The following CNNM2 variants were observed in gnomAD, a reference collection of about 807,000 sequenced individuals.
The protein encoded by CNNM2 is metal transporter CNNM2.
In CNNM2, 12 loss-of-function variants were observed where a neutral mutation model predicts 66.9. The observed-to-expected ratio is 0.18, with a 90% CI of 0.11 to 0.29. The LOEUF (loss-of-function observed/expected upper bound fraction) is 0.29, where lower values mean the gene tolerates loss of function less well. Among genes scored for constraint, CNNM2 ranks in the 10% least tolerant of loss-of-function variants. CNNM2 has a pLI of 1.00. For synonymous variants in CNNM2, 557 were observed against 501.8 expected, an observed-to-expected ratio of 1.11 and a Z score of -1.47; for missense variants, 705 against 1,167.7, an observed-to-expected ratio of 0.60 and a Z score of 5.77.
chr10:102,935,255 G>A (rs1846198094), intron 1 of CNNM2, among the ~76,000 whole-genome samples: 1 of 151,686 alleles, frequency 6.6e-6, no homozygotes, highest in African/African-American at 2.4e-5. Flanking sequence ...CTTGAGTCCA[G>A]GAATTCAAGA....
intron 1 of CNNM2, among the ~76,000 whole-genome samples, chr10:102,958,590 C>A (rs2134200939): frequency 6.6e-6 from 1 of 150,722 alleles, no homozygotes; most frequent in Non-Finnish European, 1.5e-5. Flanking sequence ...CCTGCCTCAG[C>A]CTCCTGAGTA....
intron 1 of CNNM2, among the ~76,000 whole-genome samples, chr10:103,033,328 A>G (rs2134305024): frequency 6.6e-6 from 1 of 152,006 alleles, no homozygotes; most frequent in East Asian, 1.9e-4. Flanking sequence ...AGTTGGGACT[A>G]CAGGCGCCCA....
At chr10:103,021,215 G>A (rs2064573028) in intron 1 of CNNM2, among the ~76,000 whole-genome samples, 1 of 152,146 alleles carries the variant, frequency 6.6e-6, no homozygotes, top group Non-Finnish European at 1.5e-5. Flanking sequence ...AGGGCAAGGA[G>A]GGACAGGCTA....
chr10:103,006,055 C>T (rs1266109028), intron 1 of CNNM2, among the ~76,000 whole-genome samples: 18 of 152,182 alleles, frequency 1.2e-4, no homozygotes, highest in Admixed American at 4.6e-4. Context: ...ATTTCCTTTC[C>T]GAGGTTATTT....
rs12355897 is a variant in CNNM2, at chr10:102,926,900, G to T, written c.1621+6799G>T. ...CCGGCTAATTTTTTTTGTATTTTTA[G>T]TAGAAACGAGGTCATGCCATGTTGT... On this transcript the variant is annotated intron_variant, in intron 1 of 7. Transcript: ENST00000369878. Among the ~76,000 whole-genome samples, 28,451 of 151,510 alleles carry T rather than the reference G, an allele frequency of 0.19. 2,854 individuals carry two copies. The highest frequency in any genetic ancestry group is 0.22 in the Non-Finnish European group (15,014 of 67,868).
At chr10:103,067,392 G>A (rs1449283602) in intron 4 of CNNM2, among the ~76,000 whole-genome samples, 1 of 152,122 alleles carries the variant, frequency 6.6e-6, no homozygotes, top group East Asian at 1.9e-4. Context: ...TGAAGAGCTT[G>A]TTCTTTACTA....
intron 1 of CNNM2, among the ~76,000 whole-genome samples, chr10:102,961,954 A>G (rs2063386677): frequency 6.7e-6 from 1 of 149,882 alleles, no homozygotes; most frequent in Non-Finnish European, 1.5e-5. Flanking sequence ...CGATACTTAT[A>G]AAAAACAAAC....
intron 1 of CNNM2, among the ~76,000 whole-genome samples, chr10:103,005,802 C>T (rs1289873652): frequency 6.6e-6 from 1 of 151,998 alleles, no homozygotes; most frequent in Non-Finnish European, 1.5e-5. Flanking sequence ...GATCATAGCT[C>T]ACTGCAGCCT....
chr10:103,025,194 C>T (rs770334332), intron 1 of CNNM2, among the ~76,000 whole-genome samples: 5 of 152,084 alleles, frequency 3.3e-5, no homozygotes, highest in African/African-American at 4.8e-5. Context: ...CTGGTTCAAG[C>T]GATTCTCCTG....
intron 1 of CNNM2, among the ~76,000 whole-genome samples, chr10:102,990,034 TC>T (rs2063871207): frequency 6.6e-6 from 1 of 151,000 alleles, no homozygotes; most frequent in Admixed American, 6.6e-5. Context: ...AACCTCTCCC[TC>T]CCCGGTTCAA....
At chr10:102,991,407 G>C (rs1218593525) in intron 1 of CNNM2, among the ~76,000 whole-genome samples, 2 of 152,130 alleles carry the variant, frequency 1.3e-5, no homozygotes, top group African/African-American at 4.8e-5. Flanking sequence ...TTGATTAAAA[G>C]GATATTTATT....
chr10:102,994,402 A>G (rs377065053), intron 1 of CNNM2, among the ~76,000 whole-genome samples: 2 of 152,244 alleles, frequency 1.3e-5, no homozygotes, highest in Non-Finnish European at 2.9e-5. Flanking sequence ...ATTCAATCAG[A>G]TATTTATTGA....
chr10:102,939,978 CA>C (rs1846367802), intron 1 of CNNM2, among the ~76,000 whole-genome samples: 1 of 133,046 alleles, frequency 7.5e-6, no homozygotes, highest in Non-Finnish European at 1.7e-5. Context: ...AAAAAACAAA[CA>C]AACAACAACA....
At chr10:102,943,843 C>T (rs1397889382) in intron 1 of CNNM2, among the ~76,000 whole-genome samples, 1 of 152,160 alleles carries the variant, frequency 6.6e-6, no homozygotes, top group Non-Finnish European at 1.5e-5. Context: ...CACACCTCTG[C>T]TCATGTTCTC....
At chr10:103,055,892 A>G (rs2065286950) in intron 3 of CNNM2, among the ~76,000 whole-genome samples, 1 of 152,130 alleles carries the variant, frequency 6.6e-6, no homozygotes. Context: ...GCTTGAGACC[A>G]GTCTGGCCAA....
At chr10:103,041,131 G>T (rs1451459952) in intron 1 of CNNM2, among the ~76,000 whole-genome samples, 2 of 152,056 alleles carry the variant, frequency 1.3e-5, no homozygotes, top group East Asian at 1.9e-4. Flanking sequence ...AACCTACTTA[G>T]CCCCTCCTCT....
chr10:103,042,237 A>G (rs1314080946), intron 1 of CNNM2, among the ~76,000 whole-genome samples: 1 of 152,188 alleles, frequency 6.6e-6, no homozygotes, highest in Non-Finnish European at 1.5e-5. Context: ...TCTATCCAGA[A>G]TGCAGGTACT....
chr10:102,918,311 C>A lies in CNNM2; in HGVS notation c.-170C>A. On this transcript the variant is annotated 5_prime_UTR_variant, in exon 1 of 8. Transcript: ENST00000369878. This position sits in a 1 kb window ranked among gnomAD's most constrained non-coding sequence, Gnocchi z 4.1. Reference sequence around the variant, plus strand: ...GCTCCTCTCCCTCCCTCTTTCCCTCCCGCGAGCCTCGGGGTTCCTCAGCTG... The same window carrying A: ...GCTCCTCTCCCTCCCTCTTTCCCTCACGCGAGCCTCGGGGTTCCTCAGCTG... The A allele has an allele frequency of 8.4e-7, 1 of 1,196,314 alleles. No individual in the cohort carries two copies. Among genetic ancestry groups the A allele is most frequent in the Non-Finnish European group, 1.1e-6 (1 of 897,440 alleles). 74.1% of individuals were successfully genotyped at this position (1,196,314 alleles called of 1,614,324 possible). A position where few individuals can be genotyped will look rare whatever the true frequency, so the allele number is the denominator to read the frequency against.
intron 1 of CNNM2, among the ~76,000 whole-genome samples, chr10:102,995,550 A>T (rs541753449): frequency 6.6e-6 from 1 of 151,486 alleles, no homozygotes; most frequent in Non-Finnish European, 1.5e-5. Flanking sequence ...TTAAAATAAT[A>T]TTTGTTCTAT....
Sources: allele counts gnomAD v4.1 joint callset (sites outside exome capture counted in the v4.1 genomes callset), GRCh38; gene constraint gnomAD v4.1.1; non-coding constraint Gnocchi (gnomAD v3.1); transcripts MANE v1.5; gene names NCBI Gene and HGNC (gene_info 2026-07-23, HGNC 2026-07-21).